Variants in KDM4B observed in about 807,000 individuals in gnomAD.
KDM4B encodes the protein lysine demethylase 4B, also known as lysine-specific demethylase 4B.
In KDM4B, 32 loss-of-function variants were observed where a neutral mutation model predicts 125.2. That is an observed-to-expected ratio of 0.26 (90% CI 0.19 to 0.34). The LOEUF (loss-of-function observed/expected upper bound fraction) is 0.34. Among genes scored for constraint, KDM4B ranks in the 10% least tolerant of loss-of-function variants. The pLI is 1.00. For missense variants in KDM4B, 1,190 were observed against 1,577.7 expected (o/e 0.75, Z 4.16); for synonymous variants, 721 against 677.9 (o/e 1.06, Z -0.99).
intron 5 of KDM4B, among the ~76,000 whole-genome samples, chr19:5,044,965 C>T (rs111516288): frequency 7.2e-5 from 11 of 152,270 alleles, no homozygotes; most frequent in Admixed American, 5.9e-4. Flanking sequence ...CTCCATGGTC[C>T]GGGTGCACCA....
chr19:5,102,494 G>A (rs2038956014), intron 9 of KDM4B, among the ~76,000 whole-genome samples: 1 of 152,124 alleles, frequency 6.6e-6, no homozygotes, highest in Non-Finnish European at 1.5e-5. Context: ...CTGGGGGAGG[G>A]TGGAGCTGGA....
chr19:5,040,548 C>T (rs563029355), intron 4 of KDM4B, among the ~76,000 whole-genome samples: 5 of 152,272 alleles, frequency 3.3e-5, no homozygotes, highest in Admixed American at 2.6e-4. Flanking sequence ...CACCTATGGG[C>T]GCCTACCCAG....
chr19:5,097,968 A>G (rs2038860759), intron 9 of KDM4B, among the ~76,000 whole-genome samples: 1 of 152,210 alleles, frequency 6.6e-6, no homozygotes, highest in African/African-American at 2.4e-5. Flanking sequence ...CGCAAATGTC[A>G]GTCGGGAGCT....
rs367805214 is a variant in KDM4B, at chr19:5,137,432, G to A, written c.2385+94G>A. The A allele has an allele frequency of 4.3e-5, 56 of 1,299,996 alleles. 1 individual carries two copies. Among genetic ancestry groups the A allele is most frequent in the African/African-American group, 3.5e-4 (24 of 68,206 alleles). The allele number at this position is 1,299,996 out of a possible 1,614,324, so 80.5% of individuals were successfully genotyped here. On this transcript the variant is annotated intron_variant, in intron 16 of 22. Coordinates refer to ENST00000159111, the MANE Select transcript of KDM4B (RefSeq NM_015015.3). ...GACTTTGGGGCGTAGTCTCCCCTCCGTGGGCCTGGGTTCCTTCACCTCTGC... is the reference window on the plus strand; with the variant it reads ...GACTTTGGGGCGTAGTCTCCCCTCCATGGGCCTGGGTTCCTTCACCTCTGC...
At chr19:5,144,733 C>A in intron 20 of KDM4B, 50 bp from the exon 21 acceptor site, 1 of 1,610,460 alleles carries the variant, frequency 6.2e-7, no homozygotes. Flanking sequence ...CAGCGACAGC[C>A]CCCAGCGTAG....
chr19:4,986,811 G>A (rs1442670948), intron 1 of KDM4B, among the ~76,000 whole-genome samples: 1 of 152,248 alleles, frequency 6.6e-6, no homozygotes, highest in African/African-American at 2.4e-5. Context: ...GGCGGAACGA[G>A]GCGCAGCTCA....
chr19:4,977,617 A>C (rs974294819), intron 1 of KDM4B, among the ~76,000 whole-genome samples: 3 of 152,106 alleles, frequency 2.0e-5, no homozygotes, highest in Admixed American at 6.5e-5. Context: ...GATTTGTATG[A>C]GATTAGCCGG....
chr19:5,068,974 C>T (rs1012531541), intron 6 of KDM4B, among the ~76,000 whole-genome samples: 10 of 152,228 alleles, frequency 6.6e-5, no homozygotes, highest in Admixed American at 6.5e-5. Flanking sequence ...AAATTAGTTC[C>T]TTCCCGTCCC....
chr19:5,119,539 A>G (rs1013132141), intron 10 of KDM4B, 114 bp from the exon 11 acceptor site: 89 of 1,034,752 alleles, frequency 8.6e-5, no homozygotes, highest in Non-Finnish European at 1.3e-4. Flanking sequence ...CCCCCTGCTC[A>G]TGGAGCGCTC....
In KDM4B at chr19:5,060,433, C is replaced by CAAA. The variant is rs901472663; in HGVS notation, c.627-10549_627-10547dup. ...GGGTGACGGAGGAAGACTCTGTCTC[C>CAAA]AAAAAAAAAAAAAAAAAAAAAAAAA... On this transcript the variant is annotated intron_variant, in intron 6 of 22. Transcript: ENST00000159111. 1.2e-3 allele frequency among the ~76,000 whole-genome samples: 39 copies of CAAA among 32,962 alleles called. 1 individual carries two copies. The highest frequency in any genetic ancestry group is 1.4e-3 in the Non-Finnish European group (22 of 15,458). 21.6% of individuals were successfully genotyped at this position (32,962 alleles called of 152,430 possible). A position where few individuals can be genotyped will look rare whatever the true frequency, so the allele number is the denominator to read the frequency against.
chr19:5,059,899 T>G (rs1256606252), intron 6 of KDM4B, among the ~76,000 whole-genome samples: 1 of 152,124 alleles, frequency 6.6e-6, no homozygotes, highest in African/African-American at 2.4e-5. Flanking sequence ...CCCCACTGCC[T>G]CTCCGGGATG....
intron 2 of KDM4B, among the ~76,000 whole-genome samples, chr19:5,029,603 G>T (rs1300450628): frequency 6.6e-6 from 1 of 152,206 alleles, no homozygotes; most frequent in African/African-American, 2.4e-5. Flanking sequence ...AAGGCGGGAG[G>T]ATCATTTCAG....
chr19:5,092,843 T>C (rs1484167334), intron 9 of KDM4B, among the ~76,000 whole-genome samples: 1 of 152,150 alleles, frequency 6.6e-6, no homozygotes, highest in Non-Finnish European at 1.5e-5. Flanking sequence ...TCATGGCTGT[T>C]CCTCAGCCGT....
chr19:5,028,860 C>T (rs1249039215), intron 2 of KDM4B, among the ~76,000 whole-genome samples: 2 of 152,164 alleles, frequency 1.3e-5, no homozygotes, highest in Non-Finnish European at 2.9e-5. Flanking sequence ...GCTTGTTGGC[C>T]ATTTGTCTAC....
At chr19:5,116,272 A>G (rs2039254493) in intron 10 of KDM4B, among the ~76,000 whole-genome samples, 1 of 151,358 alleles carries the variant, frequency 6.6e-6, no homozygotes, top group East Asian at 1.9e-4. Flanking sequence ...AATTATAAAG[A>G]ATAGGAGACT....
At chr19:4,981,806 G>T (rs1339454069) in intron 1 of KDM4B, among the ~76,000 whole-genome samples, 3 of 152,186 alleles carry the variant, frequency 2.0e-5, no homozygotes, top group Admixed American at 2.0e-4. Context: ...GAGGATGTGG[G>T]TTACCTGGGG....
intron 1 of KDM4B, among the ~76,000 whole-genome samples, chr19:4,998,420 A>G (rs1454595188): frequency 2.0e-5 from 3 of 152,132 alleles, no homozygotes; most frequent in African/African-American, 7.2e-5. Flanking sequence ...ATTCCCAGAC[A>G]CCTTTCACCC....
chr19:5,144,050 C>T lies in KDM4B; in HGVS notation c.2634C>T (p.Phe878=), dbSNP rs2039792889. The change falls in exon 19 of 23, where the codon TTC becomes TTT. Residue 878 remains phenylalanine (F), a synonymous_variant. Coordinates refer to ENST00000159111, the MANE Select transcript of KDM4B (RefSeq NM_015015.3). Reference sequence around the variant, plus strand: ...CCTACGAGCACTGCTCCACGTCCTTCCACGTGACCTGCGCCCACGCCGCAG... The same window carrying T: ...CCTACGAGCACTGCTCCACGTCCTTTCACGTGACCTGCGCCCACGCCGCAG... ...QCSYEHCSTS[F]HVTCAHAAGV... 6.2e-7 allele frequency: 1 copy of T among 1,606,430 alleles called. No homozygotes were observed. The highest frequency in any genetic ancestry group is 8.5e-7 in the Non-Finnish European group (1 of 1,174,414).
chr19:5,107,298 CCAT>C (rs2039053660), intron 9 of KDM4B, among the ~76,000 whole-genome samples: 1 of 152,244 alleles, frequency 6.6e-6, no homozygotes, highest in Non-Finnish European at 1.5e-5. Context: ...CCTGATTTCT[CCAT>C]CAGAAACTAA....
Sources: allele counts gnomAD v4.1 joint callset (sites outside exome capture counted in the v4.1 genomes callset), GRCh38; gene constraint gnomAD v4.1.1; transcripts MANE v1.5; gene names NCBI Gene and HGNC (gene_info 2026-07-23, HGNC 2026-07-21).